The following UMODL1 variants were observed in gnomAD, a reference collection of about 807,000 sequenced individuals.
UMODL1 encodes uromodulin-like 1.
UMODL1 carries 128 observed loss-of-function variants against 136.3 expected under a neutral mutation model. The ratio of observed to expected loss-of-function variants is 0.94; its 90% confidence interval spans 0.81 to 1.09. The LOEUF is 1.09. UMODL1 is among the 50% of genes least tolerant of loss of function. The pLI is 0.00. For synonymous variants in UMODL1, 721 were observed against 720.0 expected (o/e 1.00, Z -0.02); for missense variants, 1,766 against 1,725.6 (o/e 1.02, Z -0.41).
chr21:42,113,790 T>C lies in UMODL1; in HGVS notation c.2322T>C (p.Cys774=). The C allele has an allele frequency of 6.2e-7, 1 of 1,613,930 alleles. No homozygotes were observed. The highest frequency in any genetic ancestry group is 1.3e-5 in the African/African-American group (1 of 75,010). ...LHLVEIMAKA[C]GKEGARAHLK... is the part of the protein sequence containing the mutation. Reference sequence around the variant, plus strand: ...TGGTTGAGATCATGGCCAAAGCATGTGGGAAAGAAGGTGCCAGAGCTCATC... The same window carrying C: ...TGGTTGAGATCATGGCCAAAGCATGCGGGAAAGAAGGTGCCAGAGCTCATC... The change falls in exon 13 of 23, where the codon TGT becomes TGC. Residue 774 remains cysteine (C), a synonymous_variant. Coordinates refer to ENST00000408910, the MANE Select transcript of UMODL1 (RefSeq NM_001004416.3).
chr21:42,121,737 T>C (rs1448220031), intron 16 of UMODL1, among the ~76,000 whole-genome samples: 1 of 152,124 alleles, frequency 6.6e-6, no homozygotes, highest in African/African-American at 2.4e-5. Context: ...CCAGTGAGTG[T>C]GGTATCCGGG....
At chr21:42,118,138 T>G (rs181740751) in intron 14 of UMODL1, among the ~76,000 whole-genome samples, 2 of 152,334 alleles carry the variant, frequency 1.3e-5, no homozygotes, top group African/African-American at 2.4e-5. Flanking sequence ...TAGAGGTTGG[T>G]TTGAAATGCA....
At chr21:42,063,739 C>G (rs903457374) in intron 1 of UMODL1, among the ~76,000 whole-genome samples, 1 of 152,190 alleles carries the variant, frequency 6.6e-6, no homozygotes, top group African/African-American at 2.4e-5. Flanking sequence ...CCCCCGGCTC[C>G]CCTTGGCCCC....
intron 9 of UMODL1, among the ~76,000 whole-genome samples, chr21:42,106,047 G>A (rs879321261): frequency 6.6e-6 from 1 of 152,198 alleles, no homozygotes; most frequent in Non-Finnish European, 1.5e-5. Context: ...AGGTGCTGGT[G>A]CGGGCAGGTC....
In UMODL1 at chr21:42,122,549, G is replaced by A. The variant is rs1301651616; in HGVS notation, c.2828-282G>A. ...ATGTGCAACATGTGCATGTGTGCGT[G>A]TGTGTGTGTCTGCACGTGTGTGCGT... On this transcript the variant is annotated intron_variant, in intron 16 of 22. Coordinates refer to ENST00000408910, the MANE Select transcript of UMODL1 (RefSeq NM_001004416.3). This position sits in a 1 kb window ranked among gnomAD's most constrained non-coding sequence, Gnocchi z 4.3. 1.5e-5 allele frequency among the ~76,000 whole-genome samples: 2 copies of A among 134,750 alleles called. No homozygotes were observed. Among genetic ancestry groups the A allele is most frequent in the Non-Finnish European group, 3.5e-5 (2 of 57,088 alleles). 88.4% of individuals were successfully genotyped at this position (134,750 alleles called of 152,430 possible).
chr21:42,101,802 G>C, intron 7 of UMODL1: 1 of 453,244 alleles, frequency 2.2e-6, no homozygotes. Flanking sequence ...GGGGGCCTGA[G>C]TAAGGGCCTC....
chr21:42,141,519 C>T (rs561154094), intron 22 of UMODL1, among the ~76,000 whole-genome samples: 40 of 152,378 alleles, frequency 2.6e-4, no homozygotes, highest in Admixed American at 2.6e-3. Flanking sequence ...CGCTAGCTTT[C>T]TAAGGAAATC....
intron 2 of UMODL1, among the ~76,000 whole-genome samples, chr21:42,081,072 T>G (rs1315264765): frequency 1.3e-5 from 2 of 152,240 alleles, no homozygotes; most frequent in African/African-American, 4.8e-5. Flanking sequence ...AGCTGTGCTC[T>G]GTTAACTCCA....
chr21:42,123,224 G>T lies in UMODL1; in HGVS notation c.3147+74G>T, dbSNP rs2067004046. 1.3e-6 allele frequency: 2 copies of T among 1,489,880 alleles called. No homozygotes were observed. The highest frequency in any genetic ancestry group is 2.8e-5 in the African/African-American group (2 of 72,088). The allele number at this position is 1,489,880 out of a possible 1,614,324, so 92.3% of individuals were successfully genotyped here. A position where few individuals can be genotyped will look rare whatever the true frequency, so the allele number is the denominator to read the frequency against. ...CTCTAGGTTACATGGGCCTCGATGT[G>T]GGAGGGCCAGGCAAGACTCTGCACC... On this transcript the variant is annotated intron_variant, in intron 17 of 22. Transcript: ENST00000408910. The surrounding 1 kb of genome is among the most constrained non-coding windows in gnomAD (Gnocchi z 4.4).
At chr21:42,065,972 T>C (rs2066179977) in intron 1 of UMODL1, among the ~76,000 whole-genome samples, 1 of 152,244 alleles carries the variant, frequency 6.6e-6, no homozygotes, top group Non-Finnish European at 1.5e-5. Flanking sequence ...TGTTTCTGAC[T>C]TGCATTCGCT....
intron 1 of UMODL1, among the ~76,000 whole-genome samples, chr21:42,074,982 A>G (rs1480377035): frequency 6.6e-6 from 1 of 151,384 alleles, no homozygotes; most frequent in African/African-American, 2.4e-5. Context: ...GCTCACTGCA[A>G]CCTCCGCCTC....
intron 6 of UMODL1, among the ~76,000 whole-genome samples, chr21:42,098,496 C>T (rs9974500): frequency 0.081 from 12,330 of 151,612 alleles, 848 homozygotes; most frequent in African/African-American, 0.19. Flanking sequence ...GGGTCAGGTG[C>T]GGTGGCGCAC....
rs1209938477 is a variant in UMODL1 at position 42,109,434 on chromosome 21, C to CA, written c.1520-124dup. ...TCATGAGAGTGTTGGACGGATGCCC[C>CA]AAAATGCCCCTGCTCCCGGCCGTTC... On this transcript the variant is annotated intron_variant, in intron 9 of 22. Transcript: ENST00000408910. 6 of 1,286,628 alleles carry CA rather than the reference C, an allele frequency of 4.7e-6. No homozygotes were observed. The East Asian group carries it at 1.5e-4, about 31-fold the overall frequency. The allele number at this position is 1,286,628 out of a possible 1,614,324, so 79.7% of individuals were successfully genotyped here.
intron 22 of UMODL1, among the ~76,000 whole-genome samples, chr21:42,139,109 A>G (rs2067245993): frequency 1.3e-5 from 2 of 152,152 alleles, no homozygotes; most frequent in Admixed American, 6.5e-5. Flanking sequence ...TGGAGGTTGC[A>G]GTGAGCCGAG....
intron 1 of UMODL1, among the ~76,000 whole-genome samples, chr21:42,063,467 A>AT (rs1051012727): frequency 2.6e-5 from 4 of 152,074 alleles, no homozygotes; most frequent in African/African-American, 4.8e-5. Context: ...AGGCATTGGG[A>AT]TTTTTTAAAG....
chr21:42,111,435 C>T (rs765168915), intron 11 of UMODL1, 71 bp from the exon 12 acceptor site: 9 of 1,613,658 alleles, frequency 5.6e-6, no homozygotes, highest in African/African-American at 2.7e-5. Context: ...ACCTCCTCCC[C>T]GAAGGCTACT....
chr21:42,075,888 G>A, intron 1 of UMODL1, 117 bp from the exon 2 acceptor site: 1 of 1,473,206 alleles, frequency 6.8e-7, no homozygotes, highest in East Asian at 2.3e-5. Context: ...TGAGAGGCCT[G>A]CGCGAGTGCG....
At chr21:42,064,557 T>C (rs1204064632) in intron 1 of UMODL1, among the ~76,000 whole-genome samples, 1 of 152,082 alleles carries the variant, frequency 6.6e-6, no homozygotes, top group African/African-American at 2.4e-5. Flanking sequence ...TCTTTCTTTC[T>C]TTTCTTTTTT....
chr21:42,083,398 T>A (rs1443099875), intron 2 of UMODL1, among the ~76,000 whole-genome samples: 1 of 152,074 alleles, frequency 6.6e-6, no homozygotes, highest in Non-Finnish European at 1.5e-5. Flanking sequence ...CCCCACCTGA[T>A]CTCCCCAGGG....
Sources: allele counts gnomAD v4.1 joint callset (sites outside exome capture counted in the v4.1 genomes callset), GRCh38; gene constraint gnomAD v4.1.1; non-coding constraint Gnocchi (gnomAD v3.1); transcripts MANE v1.5; gene names NCBI Gene and HGNC (gene_info 2026-07-23, HGNC 2026-07-21).